Variants in FOXP2 observed in about 807,000 individuals in gnomAD.
The protein encoded by FOXP2 is forkhead box P2.
A neutral mutation model predicts 115.8 loss-of-function variants in FOXP2; 12 were observed. That is an observed-to-expected ratio of 0.10 (90% CI 0.07 to 0.17). FOXP2 has a LOEUF of 0.17. FOXP2 is among the 10% of genes least tolerant of loss of function. The probability of loss-of-function intolerance (pLI) is 1.00; values close to 1 mark genes in which losing one functional copy is unlikely to be tolerated. For missense variants in FOXP2, 629 were observed against 843.5 expected (o/e 0.75, Z 3.15); for synonymous variants, 328 against 297.7 (o/e 1.10, Z -1.05).
intron 2 of FOXP2, among the ~76,000 whole-genome samples, chr7:114,488,601 A>G (rs1002306684): frequency 1.3e-5 from 2 of 152,176 alleles, no homozygotes; most frequent in Non-Finnish European, 2.9e-5. Context: ...TTTTTACAAC[A>G]TATATGTCAG....
intron 2 of FOXP2, among the ~76,000 whole-genome samples, chr7:114,333,478 GTGGGTGGCTCACGCC>G (rs1445285657): frequency 6.6e-6 from 1 of 152,184 alleles, no homozygotes; most frequent in Non-Finnish European, 1.5e-5. Flanking sequence ...GAGGCCAAGT[GTGGGTGGCTCACGCC>G]TGTAATCCCA....
intron 3 of FOXP2, among the ~76,000 whole-genome samples, chr7:114,543,228 A>G (rs756862574): frequency 6.6e-6 from 1 of 152,206 alleles, no homozygotes; most frequent in Non-Finnish European, 1.5e-5. Context: ...ATAAATTACT[A>G]TAGTATAGTG....
At chr7:114,330,467 TA>T (rs551427303) in intron 2 of FOXP2, among the ~76,000 whole-genome samples, 8,824 of 132,926 alleles carry the variant, frequency 0.066, 322 homozygotes, top group Middle Eastern at 0.17. Context: ...ATCTTGTCTC[TA>T]AAAAAAAAAA....
At chr7:114,407,545 T>G (rs1422559309) in intron 2 of FOXP2, among the ~76,000 whole-genome samples, 1 of 152,148 alleles carries the variant, frequency 6.6e-6, no homozygotes. Context: ...AAATGCTTTA[T>G]GTAGTGAGAG....
In FOXP2 at chr7:114,692,519, C is replaced by T. The variant is rs1277677378; in HGVS notation, c.*2593C>T. ...GGACCCATAAATGACCAGACTTTTT[C>T]TAAGAAAAATGTTGCTTTAATGCAT... On this transcript the variant is annotated 3_prime_UTR_variant, in exon 17 of 17. Coordinates refer to ENST00000350908, the MANE Select transcript of FOXP2 (RefSeq NM_014491.4). 4 of 454,006 alleles carry T rather than the reference C, an allele frequency of 8.8e-6. No homozygotes were observed. Among genetic ancestry groups the T allele is most frequent in the Admixed American group, 7.1e-5 (3 of 42,506 alleles). The allele number at this position is 454,006 out of a possible 1,614,324, so 28.1% of individuals were successfully genotyped here. A position where few individuals can be genotyped will look rare whatever the true frequency, so the allele number is the denominator to read the frequency against.
Position 114,658,115 on chromosome 7 carries a change from C to T in FOXP2, c.1316C>T (p.Ser439Phe), listed in dbSNP as rs1215855483. Reference sequence around the variant, plus strand: ...ATGTCGAAGAATATGTTGGAGACATCCCCACAGAGCTTACCTCAAACCCCT... The same window carrying T: ...ATGTCGAAGAATATGTTGGAGACATTCCCACAGAGCTTACCTCAAACCCCT... ...VTMSKNMLET[S>F]PQSLPQTPTT... Residue 439 changes from serine to phenylalanine, a missense_variant, in exon 11 of 17, where the codon TCC becomes TTC. Ser to Phe is a radical substitution (Grantham distance 155, BLOSUM62 -2). Coordinates refer to ENST00000350908, the MANE Select transcript of FOXP2 (RefSeq NM_014491.4). The T allele has an allele frequency of 6.2e-7, 1 of 1,613,878 alleles. No individual in the cohort carries two copies. The highest frequency in any genetic ancestry group is 1.1e-5 in the South Asian group (1 of 91,074).
At chr7:114,326,488 C>T (rs1404589972) in intron 2 of FOXP2, among the ~76,000 whole-genome samples, 1 of 152,124 alleles carries the variant, frequency 6.6e-6, no homozygotes, top group Admixed American at 6.5e-5. Context: ...GAATGTAAAG[C>T]CCTAAGCTTC....
Position 114,644,667 on chromosome 7 carries a change from C to T in FOXP2, c.990-18C>T, listed in dbSNP as rs373965830. ...TAGCTTTTTGAGATGAATCTGACGT[C>T]GTGTTCTTTTGCTACAGCTCGTCAC... On this transcript the variant is annotated intron_variant, in intron 7 of 16. Transcript: ENST00000350908. 6 of 1,598,250 alleles carry T rather than the reference C, an allele frequency of 3.8e-6. No individual in the cohort carries two copies. In the South Asian group the frequency reaches 4.4e-5, roughly 12 times the overall value.
Position 114,692,014 on chromosome 7 carries a change from T to C in FOXP2, c.*2088T>C. ...TGAAACGTGAGAACGTCACAGTAAC[T>C]GCTACTTTTCATTATGTTTGTCTTT... On this transcript the variant is annotated 3_prime_UTR_variant, in exon 17 of 17. Coordinates refer to ENST00000350908, the MANE Select transcript of FOXP2 (RefSeq NM_014491.4). 2.2e-6 allele frequency: 1 copy of C among 452,418 alleles called. No homozygotes were observed. The highest frequency in any genetic ancestry group is 1.6e-5 in the South Asian group (1 of 64,090). The allele number at this position is 452,418 out of a possible 1,614,324, so 28.0% of individuals were successfully genotyped here. A position where few individuals can be genotyped will look rare whatever the true frequency, so the allele number is the denominator to read the frequency against.
rs75753538 is a variant in FOXP2 at position 114,658,276 on chromosome 7, T to C, written c.1468+9T>C. On this transcript the variant is annotated intron_variant, in intron 11 of 16. Transcript: ENST00000350908. ...CATTCCCATGTCATCAGGTAGGATA[T>C]GAATGCTCAGTAGAGCACTTTTACT... The C allele has an allele frequency of 5.0e-3, 8,069 of 1,613,472 alleles. 34 individuals are homozygous for C. The highest frequency in any genetic ancestry group is 6.5e-3 in the Non-Finnish European group (7,659 of 1,179,664).
chr7:114,188,472 G>A (rs776922), intron 1 of FOXP2, among the ~76,000 whole-genome samples: 3,992 of 152,214 alleles, frequency 0.026, 185 homozygotes, highest in African/African-American at 0.088. Context: ...TTTAAATAAT[G>A]TCTTATCTAT....
chr7:114,412,840 T>C (rs1793198293), upstream of FOXP2, among the ~76,000 whole-genome samples: 1 of 152,132 alleles, frequency 6.6e-6, no homozygotes, highest in Admixed American at 6.6e-5. Context: ...CAAACCCAGC[T>C]TTTTGCAAAG....
At chr7:114,654,108 T>A in intron 10 of FOXP2, 99 bp downstream of exon 10, 13 of 1,596,770 alleles carry the variant, frequency 8.1e-6, no homozygotes, top group Non-Finnish European at 1.1e-5. Flanking sequence ...ATGAGTGTGA[T>A]GAAAAATACG....
intron 2 of FOXP2, among the ~76,000 whole-genome samples, chr7:114,329,652 ATTTATTTATTTATTTAT>A (rs981930605): frequency 3.8e-5 from 1 of 26,024 alleles, no homozygotes; most frequent in Non-Finnish European, 8.4e-5. Flanking sequence ...AGTTTTATTT[ATTTATTTATTTATTTAT>A]TTATTTATTT....
chr7:114,505,185 A>G (rs899862993), intron 2 of FOXP2, among the ~76,000 whole-genome samples: 3 of 151,550 alleles, frequency 2.0e-5, no homozygotes, highest in African/African-American at 4.8e-5. Flanking sequence ...TATTCATTAA[A>G]TCAAGATTAT....
intron 16 of FOXP2, 23 bp downstream of exon 16, chr7:114,664,459 C>G (rs780183913): frequency 6.2e-7 from 1 of 1,612,800 alleles, no homozygotes; most frequent in Non-Finnish European, 8.5e-7. Context: ...AACAGACTCT[C>G]TAAAGGGAAG....
At chr7:114,544,677 CTG>C (rs1799832054) in intron 3 of FOXP2, among the ~76,000 whole-genome samples, 1 of 152,178 alleles carries the variant, frequency 6.6e-6, no homozygotes, top group African/African-American at 2.4e-5. Flanking sequence ...CACAGAAAGA[CTG>C]TAGCAAATTC....
chr7:114,220,387 A>G (rs1794591641), intron 1 of FOXP2, among the ~76,000 whole-genome samples: 1 of 152,208 alleles, frequency 6.6e-6, no homozygotes, highest in Admixed American at 6.5e-5. Flanking sequence ...ACATGGATTC[A>G]TGACTGGAAT....
At chr7:114,275,341 T>G (rs1345114471) in intron 1 of FOXP2, among the ~76,000 whole-genome samples, 3 of 152,176 alleles carry the variant, frequency 2.0e-5, no homozygotes, top group Non-Finnish European at 4.4e-5. Flanking sequence ...TACTCTGTTT[T>G]GTTTTCTTTA....
Sources: allele counts gnomAD v4.1 joint callset (sites outside exome capture counted in the v4.1 genomes callset), GRCh38; gene constraint gnomAD v4.1.1; transcripts MANE v1.5; gene names NCBI Gene and HGNC (gene_info 2026-07-23, HGNC 2026-07-21).